The following DAXX variants were observed in gnomAD, a reference collection of about 807,000 sequenced individuals.
The protein encoded by DAXX is death domain-associated protein 6.
A neutral mutation model predicts 61.9 loss-of-function variants in DAXX; 24 were observed. That is an observed-to-expected ratio of 0.39 (90% confidence interval 0.28 to 0.55). DAXX has a LOEUF of 0.55. Among genes scored for constraint, DAXX ranks in the 20% least tolerant of loss-of-function variants. The pLI is 0.69. For synonymous variants in DAXX, 357 were observed against 369.5 expected, an observed-to-expected ratio of 0.97 and a Z score of 0.39; for missense variants, 819 against 935.3, an observed-to-expected ratio of 0.88 and a Z score of 1.62.
At chr6:33,322,159 G>T (rs554535480) in intron 1 of DAXX, among the ~76,000 whole-genome samples, 182 bp from the exon 2 acceptor site, 1 of 151,318 alleles carries the variant, frequency 6.6e-6, no homozygotes, top group Non-Finnish European at 1.5e-5. Flanking sequence ...TGGTGTGGGG[G>T]GGGGGCAAAC....
rs200567881 is a variant in DAXX, at chr6:33,320,103, GCCT to G, written c.1370_1372del (p.Glu457del). 960 of 1,613,456 alleles carry G rather than the reference GCCT, an allele frequency of 5.9e-4. 8 individuals are homozygous for G. The East Asian group carries it at 0.016, about 26-fold the overall frequency. ...ATCCTCCTCCTCTTCAGAATCTGTG[GCCT>G]CCTCCTCTTCTTCTTCCTCCTCCTC... On this transcript the variant is annotated inframe_deletion, in exon 5 of 8. Transcript: ENST00000374542. This position sits in a 1 kb window ranked among gnomAD's most constrained non-coding sequence, Gnocchi z 7.1.
chr6:33,320,438 A>G lies in DAXX; in HGVS notation c.1193T>C (p.Leu398Pro), dbSNP rs748061004. ...EGERKKRRARLQGTSSHSADT... is the reference protein window; with the variant it reads ...EGERKKRRARPQGTSSHSADT... ...TGCAGAGTGGGAAGAGGTGCCTTGG[A>G]GCCGAGCTCTTCTCTTTTTTCTCTC... The change falls in exon 4 of 8, where the codon CTC becomes CCC. Residue 398 changes from leucine to proline, a missense_variant. Transcript: ENST00000374542. This position sits in a 1 kb window ranked among gnomAD's most constrained non-coding sequence, Gnocchi z 7.1. 9.7e-5 allele frequency: 157 copies of G among 1,613,942 alleles called. 3 individuals are homozygous for G. In the South Asian group the frequency reaches 1.7e-3, roughly 17 times the overall value.
chr6:33,320,117 T>G lies in DAXX; in HGVS notation c.1359A>C (p.Glu453Asp). 6.2e-7 allele frequency: 1 copy of G among 1,613,956 alleles called. No individual in the cohort carries two copies. Among genetic ancestry groups the G allele is most frequent in the Non-Finnish European group, 8.5e-7 (1 of 1,179,894 alleles). Residue 453 changes from glutamate to aspartate, a missense_variant, in exon 5 of 8, where the codon GAA becomes GAC. By Grantham distance (45) the Glu-to-Asp change is conservative. Coordinates refer to ENST00000374542, the MANE Select transcript of DAXX (RefSeq NM_001141969.2). This position sits in a 1 kb window ranked among gnomAD's most constrained non-coding sequence, Gnocchi z 7.1. ...CAGAATCTGTGGCCTCCTCCTCTTC[T>G]TCTTCCTCCTCCTCCTCCTCTTCCT... ...SDEEEEEEEE[E>D]EEEEATDSEE...
In DAXX at chr6:33,322,139, G is replaced by A. The variant is rs1581791882; in HGVS notation, c.-52-162C>T. 5 of 425,634 alleles carry A rather than the reference G, an allele frequency of 1.2e-5. No homozygotes were observed. In the East Asian group the frequency reaches 1.9e-4, roughly 16 times the overall value. 26.4% of individuals were successfully genotyped at this position (425,634 alleles called of 1,614,324 possible). A position where few individuals can be genotyped will look rare whatever the true frequency, so the allele number is the denominator to read the frequency against. ...CCATTAGTTCTATATGCTTTTTGGGGCCCTTCAAGTGGTGTGGGGGGGGGG... is the reference window on the plus strand; with the variant it reads ...CCATTAGTTCTATATGCTTTTTGGGACCCTTCAAGTGGTGTGGGGGGGGGG... On this transcript the variant is annotated intron_variant, in intron 1 of 7. Coordinates refer to ENST00000374542, the MANE Select transcript of DAXX (RefSeq NM_001141969.2).
Position 33,321,766 on chromosome 6 carries a change from C to T in DAXX, c.160G>A (p.Gly54Ser), listed in dbSNP as rs1423977687. 6.2e-6 allele frequency: 10 copies of T among 1,613,350 alleles called. No individual in the cohort carries two copies. Among genetic ancestry groups the T allele is most frequent in the Middle Eastern group, 1.6e-4 (1 of 6,080 alleles). Residue 54 changes from glycine to serine, a missense_variant, in exon 2 of 8, where the codon GGC (glycine) becomes AGC (serine). By Grantham distance (56) the Gly-to-Ser change is moderately conservative. Coordinates refer to ENST00000374542, the MANE Select transcript of DAXX (RefSeq NM_001141969.2). This position sits in a 1 kb window ranked among gnomAD's most constrained non-coding sequence, Gnocchi z 7.2. ...TCCAGCTTGTAGCATTTCTTGCCGC[C>T]CGAACTACTGCTTCCTCTGGCCCCA... ...PHGARGSSSS[G>S]GKKCYKLENE...
intron 1 of DAXX, 100 bp from the exon 2 acceptor site, chr6:33,322,077 C>G: frequency 1.3e-6 from 1 of 761,596 alleles, no homozygotes; most frequent in Non-Finnish European, 2.1e-6. Flanking sequence ...AACATCCAGC[C>G]CTGACCAACA....
Position 33,321,645 on chromosome 6 carries a change from G to GGAGAGAAAGGGGAGGTGGGGTTAGTGC in DAXX, c.207+73_207+74insGCACTAACCCCACCTCCCCTTTCTCTC, listed in dbSNP as rs1554283244. The GGAGAGAAAGGGGAGGTGGGGTTAGTGC allele has an allele frequency of 4.4e-6, 7 of 1,599,090 alleles. No individual in the cohort carries two copies. Among genetic ancestry groups the GGAGAGAAAGGGGAGGTGGGGTTAGTGC allele is most frequent in the Non-Finnish European group, 2.6e-6 (3 of 1,170,240 alleles). ...AGAGAAAGGGGAGGTGGGGTTAGTG[G>GGAGAGAAAGGGGAGGTGGGGTTAGTGC]GAAAGAAAGGACAGGAGAACCAGTC... On this transcript the variant is annotated intron_variant, in intron 2 of 7. Coordinates refer to ENST00000374542, the MANE Select transcript of DAXX (RefSeq NM_001141969.2). The surrounding 1 kb of genome is among the most constrained non-coding windows in gnomAD (Gnocchi z 7.2).
intron 7 of DAXX, 43 bp downstream of exon 7, chr6:33,318,954 A>G (rs1770164479): frequency 6.4e-7 from 1 of 1,550,546 alleles, no homozygotes; most frequent in Admixed American, 1.7e-5. Flanking sequence ...CAGCCAATGA[A>G]AGAGAACAAA....
rs2150997843 is a variant in DAXX, at chr6:33,321,446, G to C, written c.329C>G (p.Ser110Cys). 1 of 1,614,044 alleles carries C rather than the reference G, an allele frequency of 6.2e-7. No homozygotes were observed. The highest frequency in any genetic ancestry group is 8.5e-7 in the Non-Finnish European group (1 of 1,179,910). ...GCTCCGGGCCCGAGACAGGACCCTA[G>C]AGAGGATGTTGCAGAACTCCGCCGA... ...LASAEFCNIL[S>C]RVLSRARSRP... The change falls in exon 3 of 8, where the codon TCT (serine) becomes TGT (cysteine). Residue 110 changes from serine to cysteine, a missense_variant. Physicochemically the swap from Ser to Cys is moderately radical, Grantham distance 112 (BLOSUM62 -1). Coordinates refer to ENST00000374542, the MANE Select transcript of DAXX (RefSeq NM_001141969.2). This position sits in a 1 kb window ranked among gnomAD's most constrained non-coding sequence, Gnocchi z 7.2.
In DAXX at chr6:33,320,299, CCCCAT is replaced by C. The variant is rs762552109; in HGVS notation, c.1251+76_1252-76del. On this transcript the variant is annotated intron_variant, in intron 4 of 7. Transcript: ENST00000374542. The surrounding 1 kb of genome is among the most constrained non-coding windows in gnomAD (Gnocchi z 7.1). The stretch of plus-strand genomic sequence containing the variant: ...GGTTCTTGCTTTCCTTCTCATGCTC[CCCCAT>C]CAGTCAACCTGGACTCCCTGGTGGC... 4 of 1,424,348 alleles carry C rather than the reference CCCCAT, an allele frequency of 2.8e-6. No homozygotes were observed. In the South Asian group the frequency reaches 4.6e-5, roughly 16 times the overall value. 88.2% of individuals were successfully genotyped at this position (1,424,348 alleles called of 1,614,324 possible). A position where few individuals can be genotyped will look rare whatever the true frequency, so the allele number is the denominator to read the frequency against.
Position 33,320,569 on chromosome 6 carries a change from A to G in DAXX, c.1062T>C (p.Asp354=). The change falls in exon 4 of 8, where the codon GAT becomes GAC. Residue 354 remains aspartate, a synonymous_variant. Coordinates refer to ENST00000374542, the MANE Select transcript of DAXX (RefSeq NM_001141969.2). The surrounding 1 kb of genome is among the most constrained non-coding windows in gnomAD (Gnocchi z 7.1). The part of the protein sequence containing the change: ...YRPGVDPALS[D]PVLARRLREN... ...CCCGAAGGCGCCGGGCCAACACAGG[A>G]TCTGATAGTGCAGGGTCAACGCCTA... 1 of 1,613,932 alleles carries G rather than the reference A, an allele frequency of 6.2e-7. No homozygotes were observed.
chr6:33,319,316 T>G, intron 6 of DAXX, 64 bp downstream of exon 6: 1 of 1,570,078 alleles, frequency 6.4e-7, no homozygotes, highest in Non-Finnish European at 8.6e-7. Flanking sequence ...TCCCCAGTAT[T>G]GCTCTCCGAA....
At chr6:33,322,798 C>T in intron 1 of DAXX, 64 bp downstream of exon 1, 1 of 802,198 alleles carries the variant, frequency 1.2e-6, no homozygotes, top group South Asian at 1.4e-5. Context: ...GCCCAGCTCT[C>T]CCCAATACCT....
At chr6:33,322,761 T>A in intron 1 of DAXX, 101 bp downstream of exon 1, 3 of 439,900 alleles carry the variant, frequency 6.8e-6, no homozygotes, top group South Asian at 5.7e-5. Context: ...GACAGGAAGG[T>A]ACCACAGCTT....
chr6:33,321,145 C>G lies in DAXX; in HGVS notation c.630G>C (p.Leu210Phe). ...AEIRRLQEKE[L>F]DLSELDDPDS... ...CTGGGTCATCCAATTCTGAGAGATC[C>G]AACTCCTTTTCCTGCAGCCGCCGGA... Residue 210 changes from leucine (L) to phenylalanine (F), a missense_variant, in exon 3 of 8, where the codon TTG becomes TTC. Physicochemically the swap from Leu to Phe is conservative, Grantham distance 22. Transcript: ENST00000374542. This position sits in a 1 kb window ranked among gnomAD's most constrained non-coding sequence, Gnocchi z 7.2. The G allele has an allele frequency of 1.9e-6, 3 of 1,613,602 alleles. No homozygotes were observed. The South Asian group carries it at 3.3e-5, about 18-fold the overall frequency.
In DAXX at chr6:33,321,316, A is replaced by G. The variant is rs773511720; in HGVS notation, c.459T>C (p.Asn153=). 4 of 1,611,982 alleles carry G rather than the reference A, an allele frequency of 2.5e-6. No homozygotes were observed. The highest frequency in any genetic ancestry group is 3.4e-6 in the Non-Finnish European group (4 of 1,178,190). The change falls in exon 3 of 8, where the codon AAT becomes AAC. Residue 153 remains asparagine (N), a synonymous_variant. Coordinates refer to ENST00000374542, the MANE Select transcript of DAXX (RefSeq NM_001141969.2). This position sits in a 1 kb window ranked among gnomAD's most constrained non-coding sequence, Gnocchi z 7.2. ...LNLAPAATTS[N]EPSGNNPPTH... ...TGGGAGGGTTATTCCCAGAGGGCTC[A>G]TTGGAGGTGGTGGCGGCAGGGGCCA...
Position 33,320,836 on chromosome 6 carries a change from A to T in DAXX, c.939T>A (p.Ala313=), listed in dbSNP as rs2150994174. The T allele has an allele frequency of 6.2e-7, 1 of 1,614,140 alleles. No individual in the cohort carries two copies. The highest frequency in any genetic ancestry group is 8.5e-7 in the Non-Finnish European group (1 of 1,180,026). The part of the protein sequence containing the change: ...GLPRQQLQLM[A]QDAFRDVGIR... ...TGCCCACATCTCGGAAGGCATCCTG[A>T]GCCATGAGCTGGAGCTGCTGTCGGG... is the stretch of plus-strand genomic sequence containing the variant. The change falls in exon 3 of 8, where the codon GCT becomes GCA. Residue 313 remains alanine, a synonymous_variant. Transcript: ENST00000374542. This position sits in a 1 kb window ranked among gnomAD's most constrained non-coding sequence, Gnocchi z 7.1.
intron 1 of DAXX, chr6:33,322,609 G>C: frequency 6.5e-6 from 2 of 306,588 alleles, no homozygotes; most frequent in East Asian, 7.3e-5. Context: ...ACCCGTAACT[G>C]ATCAAAAGTC....
At position 33,320,103 on chromosome 6, in the gene DAXX, G is replaced by C. The variant is rs1770368262; in HGVS notation, c.1373C>G (p.Ala458Gly). ...ATCCTCCTCCTCTTCAGAATCTGTG[G>C]CCTCCTCCTCTTCTTCTTCCTCCTC... The part of the protein sequence containing the change: ...EEEEEEEEEE[A>G]TDSEEEEDLE... The change falls in exon 5 of 8, where the codon GCC (alanine) becomes GGC (glycine). Residue 458 changes from alanine to glycine, a missense_variant. Physicochemically the swap from Ala to Gly is moderately conservative, Grantham distance 60. Coordinates refer to ENST00000374542, the MANE Select transcript of DAXX (RefSeq NM_001141969.2). The surrounding 1 kb of genome is among the most constrained non-coding windows in gnomAD (Gnocchi z 7.1). 14 of 1,613,456 alleles carry C rather than the reference G, an allele frequency of 8.7e-6. No homozygotes were observed. Among genetic ancestry groups the C allele is most frequent in the Non-Finnish European group, 1.2e-5 (14 of 1,179,772 alleles).
Sources: gnomAD v4.1 joint callset for allele counts (sites outside exome capture counted in the v4.1 genomes callset) on GRCh38, gnomAD v4.1.1 for gene constraint, Gnocchi (gnomAD v3.1) non-coding constraint, MANE v1.5 for transcripts, NCBI Gene and HGNC (gene_info 2026-07-23, HGNC 2026-07-21) for gene names.